Variants in NUTF2 observed in about 807,000 individuals in gnomAD.
NUTF2 encodes the protein nuclear transport factor 2.
Under a neutral mutation model 18.5 loss-of-function variants are expected in NUTF2, and 3 were observed. The observed-to-expected ratio is 0.16, with a 90% CI of 0.07 to 0.42. The LOEUF is 0.42. Ranked by LOEUF, NUTF2 falls within the 10% of genes least tolerant of loss-of-function variation. The pLI, the probability that NUTF2 is intolerant of heterozygous loss-of-function variation, is 0.99. For missense variants in NUTF2, 44 were observed against 160.7 expected, an observed-to-expected ratio of 0.27 and a Z score of 3.93; for synonymous variants, 51 against 57.9, an observed-to-expected ratio of 0.88 and a Z score of 0.54.
chr16:67,860,055 C>T (rs574698088), intron 1 of NUTF2, among the ~76,000 whole-genome samples: 15 of 151,804 alleles, frequency 9.9e-5, no homozygotes, highest in Non-Finnish European at 2.1e-4. Flanking sequence ...TCTCCACTCA[C>T]TGCAAGCTCC....
intron 1 of NUTF2, among the ~76,000 whole-genome samples, chr16:67,856,640 C>T (rs2057900066): frequency 6.6e-6 from 1 of 152,010 alleles, no homozygotes; most frequent in Non-Finnish European, 1.5e-5. Context: ...TGCGGAGTAG[C>T]TGGGATTACA....
rs528290443 is a variant in NUTF2, at chr16:67,851,396, G to A, written c.-30+4411G>A. Among the ~76,000 whole-genome samples, 19 of 151,614 alleles carry A rather than the reference G, an allele frequency of 1.3e-4. No individual in the cohort carries two copies. The East Asian group carries it at 3.0e-3, about 24-fold the overall frequency. On this transcript the variant is annotated intron_variant, in intron 1 of 4. Transcript: ENST00000219169. The stretch of plus-strand genomic sequence containing the variant: ...CTTGGGAGGCTGAGGCAGGAGAATC[G>A]CTTGAACCAGGGAGGCGGACGTTGC...
chr16:67,852,736 A>G (rs925594202), intron 1 of NUTF2, among the ~76,000 whole-genome samples: 4 of 151,232 alleles, frequency 2.6e-5, no homozygotes, highest in Non-Finnish European at 5.9e-5. Context: ...CTGGAGTGCA[A>G]TGGCGTGATC....
chr16:67,847,375 C>G (rs374338083), intron 1 of NUTF2: 2 of 152,400 alleles, frequency 1.3e-5, no homozygotes, highest in Non-Finnish European at 2.9e-5. Context: ...AGCGGGCAGA[C>G]CCCAGCCCCA....
At chr16:67,862,400 C>T (rs1004035783) in intron 1 of NUTF2, among the ~76,000 whole-genome samples, 1 of 152,138 alleles carries the variant, frequency 6.6e-6, no homozygotes, top group South Asian at 2.1e-4. Context: ...TTTCTGGGAG[C>T]CCCTGATGTG....
rs34914554 is a variant in NUTF2 at position 67,859,795 on chromosome 16, CTTTTTTTTTT to C, written c.-29-5289_-29-5280del. Among the ~76,000 whole-genome samples the C allele has an allele frequency of 1.7e-3, 78 of 45,634 alleles. No individual in the cohort carries two copies. In the East Asian group the frequency reaches 0.057, roughly 33 times the overall value. The allele number at this position is 45,634 out of a possible 152,430, so 29.9% of individuals were successfully genotyped here. ...ACAGGCGTGAGCCACTGCGCCAGGC[CTTTTTTTTTT>C]TTTTTTTTTTTTTTTTTGGAGATGG... On this transcript the variant is annotated intron_variant, in intron 1 of 4. Coordinates refer to ENST00000219169, the MANE Select transcript of NUTF2 (RefSeq NM_005796.3).
At chr16:67,869,514 G>A (rs2057997149) in intron 4 of NUTF2, among the ~76,000 whole-genome samples, 4 of 151,662 alleles carry the variant, frequency 2.6e-5, no homozygotes, top group Admixed American at 2.6e-4. Context: ...GGCTGGGCGC[G>A]GTGGCTCACG....
intron 1 of NUTF2, among the ~76,000 whole-genome samples, chr16:67,858,169 A>C (rs1013686300): frequency 6.6e-6 from 1 of 152,140 alleles, no homozygotes; most frequent in African/African-American, 2.4e-5. Context: ...CTACTTTATT[A>C]TTTATTTATT....
Position 67,865,238 on chromosome 16 carries a change from C to G in NUTF2, c.99+9C>G, listed in dbSNP as rs1216428405. 1.3e-6 allele frequency: 2 copies of G among 1,596,310 alleles called. No homozygotes were observed. The highest frequency in any genetic ancestry group is 3.3e-5 in the Admixed American group (2 of 59,946). ...AACTAGGCGCAATTTACGTAAGTTT[C>G]CAGCTCTAGGGCCAGAATGGACCCT... On this transcript the variant is annotated intron_variant, in intron 2 of 4. Transcript: ENST00000219169.
intron 1 of NUTF2, among the ~76,000 whole-genome samples, chr16:67,855,523 G>A (rs145970258): frequency 3.0e-4 from 45 of 152,336 alleles, no homozygotes; most frequent in African/African-American, 1.1e-3. Flanking sequence ...TTAGAGAGGG[G>A]TTTCTGGGGT....
intron 1 of NUTF2, among the ~76,000 whole-genome samples, chr16:67,856,785 C>CAGCACAG (rs1201182080): frequency 1.3e-5 from 2 of 152,178 alleles, no homozygotes; most frequent in African/African-American, 4.8e-5. Flanking sequence ...GCTGGGTTTA[C>CAGCACAG]AGGCATGAGC....
intron 1 of NUTF2, among the ~76,000 whole-genome samples, chr16:67,848,576 CTG>C: frequency 1.3e-5 from 2 of 151,994 alleles, no homozygotes; most frequent in East Asian, 3.9e-4. Flanking sequence ...GGGCAAGACT[CTG>C]TCTCCAAAAT....
chr16:67,856,487 G>T (rs1240404757), intron 1 of NUTF2, among the ~76,000 whole-genome samples: 2 of 146,384 alleles, frequency 1.4e-5, no homozygotes, highest in Admixed American at 6.8e-5. Context: ...ACCATCCCTG[G>T]CCCAGTTTTT....
chr16:67,858,207 G>T (rs1217690181), intron 1 of NUTF2, among the ~76,000 whole-genome samples: 1 of 152,166 alleles, frequency 6.6e-6, no homozygotes, highest in Non-Finnish European at 1.5e-5. Context: ...TCACTCTGTC[G>T]CCCAGGCTGG....
intron 1 of NUTF2, chr16:67,855,942 C>T (rs549473143): frequency 3.3e-6 from 3 of 915,748 alleles, no homozygotes; most frequent in Admixed American, 2.3e-5. Flanking sequence ...GGGGAGTGGG[C>T]AGATGTCCAG....
chr16:67,871,950 G>C lies in NUTF2; in HGVS notation c.*1037G>C, dbSNP rs2058016412. 6.6e-6 allele frequency: 1 copy of C among 152,310 alleles called. No homozygotes were observed. The highest frequency in any genetic ancestry group is 2.4e-5 in the African/African-American group (1 of 41,462). 9.4% of individuals were successfully genotyped at this position (152,310 alleles called of 1,614,324 possible). On this transcript the variant is annotated 3_prime_UTR_variant, in exon 5 of 5. Coordinates refer to ENST00000219169, the MANE Select transcript of NUTF2 (RefSeq NM_005796.3). ...CAGGAGCTGTGGAAGGAGGCAGTCTGTGAGGGACTCATGCTTTAGGAGTCC... is the reference window on the plus strand; with the variant it reads ...CAGGAGCTGTGGAAGGAGGCAGTCTCTGAGGGACTCATGCTTTAGGAGTCC...
intron 1 of NUTF2, chr16:67,855,892 G>C (rs146705624): frequency 8.2e-5 from 36 of 441,698 alleles, no homozygotes; most frequent in South Asian, 1.6e-4. Flanking sequence ...TTTGGCGGGG[G>C]GGGGGGATGG....
At chr16:67,867,797 C>G (rs1415756773) in intron 2 of NUTF2, among the ~76,000 whole-genome samples, 1 of 152,222 alleles carries the variant, frequency 6.6e-6, no homozygotes. Flanking sequence ...AAGCAATTCT[C>G]CTGCCTCAGC....
chr16:67,870,686 C>T (rs1394748057), intron 4 of NUTF2, 114 bp from the exon 5 acceptor site: 6 of 807,904 alleles, frequency 7.4e-6, no homozygotes, highest in Non-Finnish European at 1.3e-5. Flanking sequence ...GATTTGAGTT[C>T]AGGACAGTAG....
Sources: gnomAD v4.1 joint callset for allele counts (sites outside exome capture counted in the v4.1 genomes callset) on GRCh38, gnomAD v4.1.1 for gene constraint, MANE v1.5 for transcripts, NCBI Gene and HGNC (gene_info 2026-07-23, HGNC 2026-07-21) for gene names.